DRC7: variants seen among roughly 807,000 people sequenced by gnomAD.
DRC7 encodes coiled-coil domain containing 135.
In DRC7, 80 loss-of-function variants were observed where a neutral mutation model predicts 104.4. The ratio of observed to expected loss-of-function variants is 0.77; its 90% CI spans 0.64 to 0.92. The LOEUF (loss-of-function observed/expected upper bound fraction) is 0.92. Ranked by LOEUF, DRC7 falls within the 40% of genes least tolerant of loss-of-function variation. The pLI, the probability that DRC7 is intolerant of heterozygous loss-of-function variation, is 0.00. For synonymous variants in DRC7, 405 were observed against 447.3 expected (o/e 0.91, Z 1.19); for missense variants, 1,034 against 1,141.1 (o/e 0.91, Z 1.35).
Position 57,724,613 on chromosome 16 carries a change from A to G in DRC7, c.1538-2A>G. 6.2e-7 allele frequency: 1 copy of G among 1,603,856 alleles called. No individual in the cohort carries two copies. Among genetic ancestry groups the G allele is most frequent in the Non-Finnish European group, 8.5e-7 (1 of 1,172,296 alleles). On this transcript the variant is annotated splice_acceptor_variant, in intron 12 of 18. Transcript: ENST00000360716. LOFTEE classifies it high-confidence loss of function. ...TCCTCCCAACTCCCGCTCCCCACCCAGTGCACTCGTACAAGTCCATGCAAC... is the reference window on the plus strand; with the variant it reads ...TCCTCCCAACTCCCGCTCCCCACCCGGTGCACTCGTACAAGTCCATGCAAC...
chr16:57,697,483 G>T (rs1355408978), intron 2 of DRC7, among the ~76,000 whole-genome samples: 3 of 151,926 alleles, frequency 2.0e-5, no homozygotes, highest in African/African-American at 7.2e-5. Flanking sequence ...TGGGAGGATT[G>T]CTTGAGCCTG....
At chr16:57,719,418 CTTG>C (rs1312514093) in intron 9 of DRC7, among the ~76,000 whole-genome samples, 1 of 152,178 alleles carries the variant, frequency 6.6e-6, no homozygotes, top group Non-Finnish European at 1.5e-5. Context: ...CTGTCCTCGG[CTTG>C]TAGATGGCTG....
rs750380748 is a variant in DRC7, at chr16:57,700,127, C to G, written c.379-18C>G. The G allele has an allele frequency of 7.3e-5, 117 of 1,612,104 alleles. 1 individual carries two copies. The highest frequency in any genetic ancestry group is 9.4e-5 in the Non-Finnish European group (111 of 1,178,656). ...TCTTATTGCCTTGACCCCACTGGCACCATCTCTCTCCTTGCAGAAGTTCGT... is the reference window on the plus strand; with the variant it reads ...TCTTATTGCCTTGACCCCACTGGCAGCATCTCTCTCCTTGCAGAAGTTCGT... On this transcript the variant is annotated intron_variant, in intron 4 of 18. Coordinates refer to ENST00000360716, the MANE Select transcript of DRC7 (RefSeq NM_001289162.2).
chr16:57,721,421 A>G (rs966535356), intron 9 of DRC7, among the ~76,000 whole-genome samples: 12 of 152,140 alleles, frequency 7.9e-5, no homozygotes, highest in African/African-American at 2.9e-4. Flanking sequence ...TCTAATCACG[A>G]AGGGCCTGCA....
Position 57,718,373 on chromosome 16 carries a change from T to C in DRC7, c.1104T>C (p.Pro368=). ...ACTTGATCTTTGACCTGGGTGACCC[T>C]GTGAGATGGGAGTACATGCTCCTGG... ...CKDLIFDLGD[P]VRWEYMLLGT... The change falls in exon 9 of 19, where the codon CCT becomes CCC. Residue 368 remains proline, a synonymous_variant. Coordinates refer to ENST00000360716, the MANE Select transcript of DRC7 (RefSeq NM_001289162.2). 1 of 1,614,100 alleles carries C rather than the reference T, an allele frequency of 6.2e-7. No individual in the cohort carries two copies. The highest frequency in any genetic ancestry group is 8.5e-7 in the Non-Finnish European group (1 of 1,179,966).
chr16:57,706,870 CT>C (rs1346500045), intron 7 of DRC7, among the ~76,000 whole-genome samples: 2 of 150,644 alleles, frequency 1.3e-5, no homozygotes, highest in African/African-American at 4.9e-5. Flanking sequence ...CCATCCTCCC[CT>C]CTCTCCTCCC....
At chr16:57,700,639 C>T (rs1036661004) in intron 5 of DRC7, among the ~76,000 whole-genome samples, 6 of 133,550 alleles carry the variant, frequency 4.5e-5, no homozygotes, top group African/African-American at 1.7e-4. Flanking sequence ...AAGAGCAAAA[C>T]TCTCAAAAAA....
In DRC7 at chr16:57,706,724, T is replaced by A. The variant is rs534299747; in HGVS notation, c.859-736T>A. Among the ~76,000 whole-genome samples, 159 of 111,116 alleles carry A rather than the reference T, an allele frequency of 1.4e-3. 11 individuals are homozygous for A. The highest frequency in any genetic ancestry group is 2.3e-3 in the Admixed American group (26 of 11,470). The allele number at this position is 111,116 out of a possible 152,430, so 72.9% of individuals were successfully genotyped here. A position where few individuals can be genotyped will look rare whatever the true frequency, so the allele number is the denominator to read the frequency against. ...TCCAACCCATCCTCCCATCCGTCCA[T>A]CCTCCCATCCATCCACCCTCCTACC... On this transcript the variant is annotated intron_variant, in intron 7 of 18. Coordinates refer to ENST00000360716, the MANE Select transcript of DRC7 (RefSeq NM_001289162.2).
At chr16:57,721,561 G>A (rs2048902800) in intron 9 of DRC7, 106 bp from the exon 10 acceptor site, 26 of 812,620 alleles carry the variant, frequency 3.2e-5, no homozygotes, top group South Asian at 2.4e-4. Flanking sequence ...GGAAGCCAAC[G>A]GACCACCTTG....
Position 57,727,336 on chromosome 16 carries a change from CG to C in DRC7, c.2125del (p.Ala709ArgfsTer4), listed in dbSNP as rs1202540018. The C allele has an allele frequency of 6.2e-7, 1 of 1,613,038 alleles. No homozygotes were observed. Among genetic ancestry groups the C allele is most frequent in the Non-Finnish European group, 8.5e-7 (1 of 1,179,788 alleles). ...CTGAAGCTTCGAGAGGAAGAGGAGG[CG>C]GCGCACACACTGACCATCTCCATCT... is the stretch of plus-strand genomic sequence containing the variant. ...EILKLREEEE[A>X]AHTLTISIYD... On this transcript the variant is annotated frameshift_variant, in exon 16 of 19. Coordinates refer to ENST00000360716, the MANE Select transcript of DRC7 (RefSeq NM_001289162.2). LOFTEE classifies it high-confidence loss of function.
chr16:57,727,370 C>A lies in DRC7; in HGVS notation c.2157C>A (p.Thr719=). The change falls in exon 16 of 19, where the codon ACC becomes ACA. Residue 719 remains threonine (T), a synonymous_variant. Coordinates refer to ENST00000360716, the MANE Select transcript of DRC7 (RefSeq NM_001289162.2). ...CACTGACCATCTCCATCTATGACAC[C>A]AAGCGGAATGAGAAGAGCAAGGAAT... ...AHTLTISIYD[T]KRNEKSKEYR... 3.1e-6 allele frequency: 5 copies of A among 1,613,400 alleles called. No homozygotes were observed. The highest frequency in any genetic ancestry group is 4.2e-6 in the Non-Finnish European group (5 of 1,179,862).
intron 2 of DRC7, among the ~76,000 whole-genome samples, chr16:57,697,462 G>A (rs1433189823): frequency 6.6e-6 from 1 of 151,880 alleles, no homozygotes; most frequent in African/African-American, 2.4e-5. Flanking sequence ...CAGCTACTGG[G>A]GAGGCTGAGG....
At position 57,726,173 on chromosome 16, in the gene DRC7, T is replaced by G; in HGVS notation, c.1864T>G (p.Cys622Gly). 6.2e-7 allele frequency: 1 copy of G among 1,613,212 alleles called. No individual in the cohort carries two copies. The highest frequency in any genetic ancestry group is 2.2e-5 in the East Asian group (1 of 44,880). ...GGAGCGCATCCAGCTGCGCTACCACTGCCGTGAGGACCACATCACGGCCTC... is the reference window on the plus strand; with the variant it reads ...GGAGCGCATCCAGCTGCGCTACCACGGCCGTGAGGACCACATCACGGCCTC... Reference protein sequence around the residue: ...AEERIQLRYHCREDHITASKR... With the variant: ...AEERIQLRYHGREDHITASKR... Residue 622 changes from cysteine to glycine, a missense_variant, in exon 14 of 19, where the codon TGC (cysteine) becomes GGC (glycine). Cys to Gly is a radical substitution (Grantham distance 159). Transcript: ENST00000360716.
chr16:57,731,172 G>A lies in DRC7; in HGVS notation c.2539G>A (p.Glu847Lys), dbSNP rs1379000716. 1 of 1,613,866 alleles carries A rather than the reference G, an allele frequency of 6.2e-7. No individual in the cohort carries two copies. Among genetic ancestry groups the A allele is most frequent in the South Asian group, 1.1e-5 (1 of 91,078 alleles). Residue 847 changes from glutamate to lysine, a missense_variant, in exon 19 of 19, where the codon GAA becomes AAA. Transcript: ENST00000360716. ...ILEQRLNRHK[E>K]LAPLKYLALE... ...TTGCCTCTCTGACTTCAGACACAAG[G>A]AACTGGCCCCACTGAAGTACCTGGC... is the stretch of plus-strand genomic sequence containing the variant.
At chr16:57,712,889 C>A (rs1246365647) in intron 8 of DRC7, among the ~76,000 whole-genome samples, 1 of 152,166 alleles carries the variant, frequency 6.6e-6, no homozygotes, top group African/African-American at 2.4e-5. Context: ...TTAGTGACAT[C>A]CCACACATTT....
At chr16:57,699,148 G>T in intron 4 of DRC7, 124 bp downstream of exon 4, 1 of 1,171,774 alleles carries the variant, frequency 8.5e-7, no homozygotes, top group South Asian at 1.5e-5. Context: ...GGGCCAGAGC[G>T]CTTCTAGTCT....
In DRC7 at chr16:57,727,409, G is replaced by A. The variant is rs1304564730; in HGVS notation, c.2196G>A (p.Met732Ile). Residue 732 changes from methionine to isoleucine, a missense_variant and splice_region_variant, in exon 16 of 19, where the codon ATG (methionine) becomes ATA (isoleucine). By Grantham distance (10) the Met-to-Ile change is conservative. Coordinates refer to ENST00000360716, the MANE Select transcript of DRC7 (RefSeq NM_001289162.2). Reference sequence around the variant, plus strand: ...AGAGCAAGGAATATCGGGAGGCCATGGTCAGTCCCAATCCCTTCTCCAGGC... The same window carrying A: ...AGAGCAAGGAATATCGGGAGGCCATAGTCAGTCCCAATCCCTTCTCCAGGC... The part of the protein sequence containing the change: ...NEKSKEYREA[M>I]ERMMHEEHLR... 1 of 1,609,848 alleles carries A rather than the reference G, an allele frequency of 6.2e-7. No individual in the cohort carries two copies. The highest frequency in any genetic ancestry group is 1.7e-5 in the Admixed American group (1 of 60,008).
At chr16:57,705,818 C>A (rs1269383047) in intron 7 of DRC7, among the ~76,000 whole-genome samples, 1 of 146,348 alleles carries the variant, frequency 6.8e-6, no homozygotes, top group African/African-American at 2.5e-5. Context: ...CTCCTCCCAT[C>A]CATCCTCCCA....
intron 8 of DRC7, chr16:57,713,824 AC>A: frequency 6.5e-6 from 1 of 153,806 alleles, no homozygotes; most frequent in Middle Eastern, 2.5e-3. Flanking sequence ...CTCCCGTCTC[AC>A]CATCCTGTCC....
Sources: gnomAD v4.1 joint callset for allele counts (sites outside exome capture counted in the v4.1 genomes callset) on GRCh38, gnomAD v4.1.1 for gene constraint, MANE v1.5 for transcripts, NCBI Gene and HGNC (gene_info 2026-07-23, HGNC 2026-07-21) for gene names.